EYS: variants seen among roughly 807,000 people sequenced by gnomAD.
EYS encodes EGF-like photoreceptor maintenance factor, also known as protein eyes shut homolog.
A neutral mutation model predicts 282.1 loss-of-function variants in EYS; 250 were observed. The observed-to-expected ratio is 0.89, with a 90% confidence interval of 0.80 to 0.98. The LOEUF is 0.98. Ranked by LOEUF, EYS falls within the 50% of genes least tolerant of loss-of-function variation. EYS has a pLI of 0.00. For synonymous variants in EYS, 1,355 were observed against 1,282.9 expected, an observed-to-expected ratio of 1.06 and a Z score of -1.20; for missense variants, 4,016 against 3,709.0, an observed-to-expected ratio of 1.08 and a Z score of -2.15.
chr6:64,359,604 A>G (rs1012750033), intron 29 of EYS, among the ~76,000 whole-genome samples: 3 of 151,764 alleles, frequency 2.0e-5, no homozygotes, highest in African/African-American at 7.2e-5. Flanking sequence ...TATTTGCTCA[A>G]TCAGAGTTCT....
At chr6:63,831,300 G>A (rs1252550792) in intron 36 of EYS, among the ~76,000 whole-genome samples, 1 of 152,140 alleles carries the variant, frequency 6.6e-6, no homozygotes, top group Admixed American at 6.6e-5. Context: ...AGACCCATCA[G>A]TGTGCTGTAC....
At chr6:65,236,601 C>CT (rs1351127406) in intron 12 of EYS, among the ~76,000 whole-genome samples, 1 of 144,756 alleles carries the variant, frequency 6.9e-6, no homozygotes, top group Non-Finnish European at 1.5e-5. Flanking sequence ...GAGTGAGACT[C>CT]TGTCTCAAAT....
At chr6:63,838,517 C>T (rs959131590) in intron 36 of EYS, among the ~76,000 whole-genome samples, 2 of 152,116 alleles carry the variant, frequency 1.3e-5, no homozygotes, top group African/African-American at 4.8e-5. Flanking sequence ...TATTATACTG[C>T]GGCCCTGTAT....
rs909175836 is a variant in EYS, at chr6:64,658,533, G to A, written c.3444-32288C>T. On this transcript the variant is annotated intron_variant, in intron 22 of 42. Coordinates refer to ENST00000503581, the MANE Select transcript of EYS (RefSeq NM_001142800.2). ...ATGGTGACGTACAGATGGGGTTTTGGTGTGGATGTCCTTTCTGTTTGTCAG... is the reference window on the plus strand; with the variant it reads ...ATGGTGACGTACAGATGGGGTTTTGATGTGGATGTCCTTTCTGTTTGTCAG... 5.9e-5 allele frequency among the ~76,000 whole-genome samples: 9 copies of A among 152,280 alleles called. 1 individual carries two copies. The highest frequency in any genetic ancestry group is 5.9e-4 in the Admixed American group (9 of 15,296).
intron 32 of EYS, among the ~76,000 whole-genome samples, chr6:64,067,748 T>C (rs144557884): frequency 4.4e-4 from 67 of 152,282 alleles, no homozygotes; most frequent in African/African-American, 1.4e-3. Flanking sequence ...AGGTGGATCT[T>C]GGAATGTATC....
chr6:64,504,834 T>C (rs1479294426), intron 26 of EYS, among the ~76,000 whole-genome samples: 1 of 152,098 alleles, frequency 6.6e-6, no homozygotes, highest in Non-Finnish European at 1.5e-5. Context: ...GGAGCTGAGG[T>C]TGAAAAGGAT....
intron 31 of EYS, among the ~76,000 whole-genome samples, chr6:64,161,462 G>T (rs1392956979): frequency 6.6e-6 from 1 of 152,182 alleles, no homozygotes; most frequent in Non-Finnish European, 1.5e-5. Flanking sequence ...ATATCTTGGG[G>T]ATAATGTCTT....
At chr6:64,520,114 G>C (rs1456308202) in intron 26 of EYS, among the ~76,000 whole-genome samples, 1 of 151,752 alleles carries the variant, frequency 6.6e-6, no homozygotes, top group African/African-American at 2.4e-5. Context: ...AGGTTCACTG[G>C]TTCACTTGCA....
At position 65,472,264 on chromosome 6, in the gene EYS, T is replaced by C. The variant is rs934103350; in HGVS notation, c.862+18330A>G. ...ATTTTGTAAGTCTGAAAGCCATTTATGTCTGGTAAACATAACCATCATGGA... is the reference window on the plus strand; with the variant it reads ...ATTTTGTAAGTCTGAAAGCCATTTACGTCTGGTAAACATAACCATCATGGA... On this transcript the variant is annotated intron_variant, in intron 5 of 42. Transcript: ENST00000503581. Among the ~76,000 whole-genome samples, 7 of 152,248 alleles carry C rather than the reference T, an allele frequency of 4.6e-5. No homozygotes were observed. In the South Asian group the frequency reaches 1.2e-3, roughly 27 times the overall value.
At chr6:64,249,707 G>A (rs1282898609) in intron 30 of EYS, among the ~76,000 whole-genome samples, 1 of 152,146 alleles carries the variant, frequency 6.6e-6, no homozygotes, top group African/African-American at 2.4e-5. Context: ...AAAGATGTAG[G>A]TATAGGAGAA....
Position 65,349,049 on chromosome 6 carries a change from G to A in EYS, c.1459+4409C>T, listed in dbSNP as rs368936182. ...GAATGTTTAAAGGTATAAACAAGTC[G>A]AATTTTTTTTCAGATGGCTATCCAG... On this transcript the variant is annotated intron_variant, in intron 9 of 42. Transcript: ENST00000503581. Among the ~76,000 whole-genome samples the A allele has an allele frequency of 3.6e-3, 545 of 151,442 alleles. 2 individuals carry two copies. Among genetic ancestry groups the A allele is most frequent in the Non-Finnish European group, 6.4e-3 (434 of 67,620 alleles).
At chr6:65,049,795 C>T (rs533986587) in intron 13 of EYS, among the ~76,000 whole-genome samples, 1 of 151,666 alleles carries the variant, frequency 6.6e-6, no homozygotes, top group African/African-American at 2.4e-5. Flanking sequence ...TAGTATAAAA[C>T]GTACGGTATA....
intron 12 of EYS, among the ~76,000 whole-genome samples, chr6:65,182,811 C>T (rs1368849870): frequency 6.6e-6 from 1 of 151,882 alleles, no homozygotes; most frequent in East Asian, 2.0e-4. Context: ...TTTTTTGAGA[C>T]AAGGTCTCAC....
chr6:64,831,546 A>G (rs1254020176), intron 19 of EYS, among the ~76,000 whole-genome samples: 1 of 151,974 alleles, frequency 6.6e-6, no homozygotes, highest in Non-Finnish European at 1.5e-5. Context: ...TTGGAAAAGG[A>G]CAAGTATCAA....
At chr6:65,375,241 C>G (rs1376343484) in intron 8 of EYS, among the ~76,000 whole-genome samples, 1 of 152,174 alleles carries the variant, frequency 6.6e-6, no homozygotes, top group Non-Finnish European at 1.5e-5. Context: ...CCCAAGCAAA[C>G]AGGGTCTGCA....
intron 29 of EYS, among the ~76,000 whole-genome samples, chr6:64,315,948 C>G (rs902188806): frequency 6.6e-6 from 1 of 152,172 alleles, no homozygotes; most frequent in Non-Finnish European, 1.5e-5. Context: ...ATCACATAAA[C>G]AGAACCAATG....
chr6:64,316,619 C>A (rs1393074280), intron 29 of EYS, among the ~76,000 whole-genome samples: 1 of 151,840 alleles, frequency 6.6e-6, no homozygotes, highest in Non-Finnish European at 1.5e-5. Context: ...AATCAGTATT[C>A]TAAAATGGCC....
At chr6:65,410,459 C>T (rs1355689827) in intron 5 of EYS, among the ~76,000 whole-genome samples, 2 of 151,950 alleles carry the variant, frequency 1.3e-5, no homozygotes. Flanking sequence ...TAAGCATAGT[C>T]ACTCTGTGCA....
intron 35 of EYS, among the ~76,000 whole-genome samples, chr6:63,911,007 A>T (rs1261671137): frequency 1.3e-5 from 2 of 152,080 alleles, no homozygotes; most frequent in Non-Finnish European, 2.9e-5. Context: ...TCCCAAAACA[A>T]TATGCTTTAT....
Sources: gnomAD v4.1 joint callset for allele counts (sites outside exome capture counted in the v4.1 genomes callset) on GRCh38, gnomAD v4.1.1 for gene constraint, MANE v1.5 for transcripts, NCBI Gene and HGNC (gene_info 2026-07-23, HGNC 2026-07-21) for gene names.